The following FRYL variants were observed in gnomAD, a reference collection of about 807,000 sequenced individuals.
FRYL encodes the protein FRY like transcription coactivator.
In FRYL, 150 loss-of-function variants were observed where a neutral mutation model predicts 351.2. The observed-to-expected ratio is 0.43, with a 90% CI of 0.37 to 0.49. The LOEUF (loss-of-function observed/expected upper bound fraction) is 0.49. Among genes scored for constraint, FRYL ranks in the 20% least tolerant of loss-of-function variants. The pLI is 0.00. For missense variants in FRYL, 3,036 were observed against 3,619.3 expected, an observed-to-expected ratio of 0.84 and a Z score of 4.13; for synonymous variants, 1,153 against 1,257.1, an observed-to-expected ratio of 0.92 and a Z score of 1.75.
Position 48,510,167 on chromosome 4 carries a change from C to G in FRYL, c.8296-10G>C. Reference sequence around the variant, plus strand: ...AACCACATGACATCAGCTGTCAAATCAGAAGTATTGATCCAGGTTACCATT... The same window carrying G: ...AACCACATGACATCAGCTGTCAAATGAGAAGTATTGATCCAGGTTACCATT... On this transcript the variant is annotated splice_polypyrimidine_tract_variant and intron_variant, in intron 58 of 63. Coordinates refer to ENST00000358350, the MANE Select transcript of FRYL (RefSeq NM_015030.2). 6.3e-7 allele frequency: 1 copy of G among 1,596,752 alleles called. No individual in the cohort carries two copies. The highest frequency in any genetic ancestry group is 8.6e-7 in the Non-Finnish European group (1 of 1,164,316).
chr4:48,662,895 G>A (rs556493470), intron 3 of FRYL, among the ~76,000 whole-genome samples: 2 of 151,906 alleles, frequency 1.3e-5, no homozygotes, highest in East Asian at 1.9e-4. Context: ...AAATATAATA[G>A]GAAAGTAAAA....
intron 41 of FRYL, 102 bp from the exon 42 acceptor site, chr4:48,546,373 G>C (rs981451956): frequency 5.7e-6 from 5 of 882,914 alleles, no homozygotes; most frequent in Non-Finnish European, 7.2e-6. Context: ...GGACACATGA[G>C]GCAATCTGTC....
Position 48,550,711 on chromosome 4 carries a change from G to A in FRYL, c.4521-7C>T. 1 of 1,568,090 alleles carries A rather than the reference G, an allele frequency of 6.4e-7. No homozygotes were observed. ...AATGTCCAGGTGCACATAGCTATGG[G>A]AATGATCACTGAAGTTAGTCACAGT... On this transcript the variant is annotated splice_region_variant and splice_polypyrimidine_tract_variant and intron_variant, in intron 37 of 63. Coordinates refer to ENST00000358350, the MANE Select transcript of FRYL (RefSeq NM_015030.2).
rs188662906 is a variant in FRYL, at chr4:48,758,703, A to C, written c.-384+21375T>G. On this transcript the variant is annotated intron_variant, in intron 1 of 63. Transcript: ENST00000358350. ...CCTCAAGGATCTAGAACTAGAAATA[A>C]CATTTGACCCAGTCATCCCATTACT... 3.2e-3 allele frequency among the ~76,000 whole-genome samples: 491 copies of C among 152,262 alleles called. 6 individuals are homozygous for C. The highest frequency in any genetic ancestry group is 0.012 in the African/African-American group (481 of 41,534).
intron 6 of FRYL, among the ~76,000 whole-genome samples, 180 bp from the exon 7 acceptor site, chr4:48,619,550 G>GAA (rs1750236019): frequency 6.6e-6 from 1 of 152,122 alleles, no homozygotes; most frequent in Non-Finnish European, 1.5e-5. Flanking sequence ...GTCTCGTTCT[G>GAA]TCACCCAGGC....
chr4:48,521,979 C>G (rs369276046), intron 54 of FRYL, among the ~76,000 whole-genome samples: 4 of 152,054 alleles, frequency 2.6e-5, no homozygotes, highest in African/African-American at 9.7e-5. Flanking sequence ...GCAAATGGAT[C>G]TAAATTAAAG....
In FRYL at chr4:48,653,761, AAC is replaced by A. The variant is rs574909047; in HGVS notation, c.-80-19273_-80-19272del. On this transcript the variant is annotated intron_variant, in intron 3 of 63. Transcript: ENST00000358350. Reference sequence around the variant, plus strand: ...CAAGGACTTTATGCTAATTTCAAAAAACACAGAATCCTGTAGACTCAACATAG... The same window carrying A: ...CAAGGACTTTATGCTAATTTCAAAAAACAGAATCCTGTAGACTCAACATAG... The A allele has an allele frequency of 3.7e-3, 4,742 of 1,291,240 alleles. 10 individuals are homozygous for A. Among genetic ancestry groups the A allele is most frequent in the Non-Finnish European group, 4.5e-3 (4,477 of 988,942 alleles). The allele number at this position is 1,291,240 out of a possible 1,614,324, so 80.0% of individuals were successfully genotyped here.
intron 11 of FRYL, among the ~76,000 whole-genome samples, chr4:48,604,957 T>C (rs1746468901): frequency 6.6e-6 from 1 of 152,106 alleles, no homozygotes. Flanking sequence ...GAAGTACAAA[T>C]GATCATTTGG....
At chr4:48,539,530 C>T (rs1729653977) in intron 47 of FRYL, among the ~76,000 whole-genome samples, 1 of 152,110 alleles carries the variant, frequency 6.6e-6, no homozygotes. Context: ...CCCACCCTCC[C>T]CCTGCCCCGA....
In FRYL at chr4:48,549,749, A is replaced by G. The variant is rs762938107; in HGVS notation, c.4634-126T>C. On this transcript the variant is annotated intron_variant, in intron 38 of 63. Transcript: ENST00000358350. The surrounding 1 kb of genome is among the most constrained non-coding windows in gnomAD (Gnocchi z 4.2). The stretch of plus-strand genomic sequence containing the variant: ...ATAAAAAAAATTTCCCACTATTTCA[A>G]CATGTTTGCTAGGAAAATCTAGGCA... The G allele has an allele frequency of 2.2e-4, 155 of 711,606 alleles. No individual in the cohort carries two copies. The highest frequency in any genetic ancestry group is 3.2e-4 in the Non-Finnish European group (145 of 451,840). 44.1% of individuals were successfully genotyped at this position (711,606 alleles called of 1,614,324 possible). A position where few individuals can be genotyped will look rare whatever the true frequency, so the allele number is the denominator to read the frequency against.
chr4:48,541,026 T>C, intron 45 of FRYL, 66 bp from the exon 46 acceptor site: 20 of 1,402,104 alleles, frequency 1.4e-5, no homozygotes, highest in Non-Finnish European at 1.8e-5. Flanking sequence ...TAATTTTACT[T>C]CTGAAAACAC....
At chr4:48,581,042 C>G in intron 21 of FRYL, 91 bp from the exon 22 acceptor site, 1 of 657,088 alleles carries the variant, frequency 1.5e-6, no homozygotes, top group Non-Finnish European at 2.4e-6. Flanking sequence ...CACTTCAGCA[C>G]TATTTTTTTT....
chr4:48,609,880 T>C, intron 7 of FRYL, 57 bp from the exon 8 acceptor site: 1 of 808,692 alleles, frequency 1.2e-6, no homozygotes, highest in Non-Finnish European at 2.0e-6. Context: ...TTATGAGTAT[T>C]CTCATCAATT....
intron 2 of FRYL, among the ~76,000 whole-genome samples, chr4:48,700,942 A>T (rs1448588222): frequency 6.6e-6 from 1 of 152,088 alleles, no homozygotes; most frequent in Admixed American, 6.6e-5. Flanking sequence ...ATTTTTAAAA[A>T]AAACTTAAAA....
chr4:48,696,004 G>A (rs147767097), intron 2 of FRYL, among the ~76,000 whole-genome samples: 8 of 152,218 alleles, frequency 5.3e-5, no homozygotes, highest in Non-Finnish European at 1.0e-4. Context: ...TCACAATGGC[G>A]ATGATCAAAA....
intron 1 of FRYL, among the ~76,000 whole-genome samples, chr4:48,770,010 C>T (rs1381887248): frequency 6.6e-6 from 1 of 152,158 alleles, no homozygotes; most frequent in East Asian, 1.9e-4. Context: ...TTATACAAAT[C>T]TACCTGTACA....
In FRYL at chr4:48,564,076, A is replaced by T; in HGVS notation, c.3468T>A (p.Val1156=). 6.2e-7 allele frequency: 1 copy of T among 1,614,144 alleles called. No homozygotes were observed. Among genetic ancestry groups the T allele is most frequent in the Non-Finnish European group, 8.5e-7 (1 of 1,180,010 alleles). The change falls in exon 31 of 64, where the codon GTT becomes GTA. Residue 1156 remains valine (V), a synonymous_variant. Coordinates refer to ENST00000358350, the MANE Select transcript of FRYL (RefSeq NM_015030.2). Reference sequence around the variant, plus strand: ...CAGGGTTCAGCTCCAGTAACAACGTAACTGCTTCACAGCCCAGCTGGTGAA... The same window carrying T: ...CAGGGTTCAGCTCCAGTAACAACGTTACTGCTTCACAGCCCAGCTGGTGAA... The part of the protein sequence containing the change: ...KKVHQLGCEA[V]TLLLELNPDQ...
chr4:48,631,922 G>A (rs548348696), intron 4 of FRYL, among the ~76,000 whole-genome samples: 18 of 149,932 alleles, frequency 1.2e-4, no homozygotes, highest in African/African-American at 2.0e-4. Context: ...GTGTGGTGGC[G>A]CATGCCTGTA....
intron 1 of FRYL, among the ~76,000 whole-genome samples, chr4:48,756,259 T>C (rs1467417965): frequency 6.6e-6 from 1 of 151,358 alleles, no homozygotes; most frequent in Non-Finnish European, 1.5e-5. Flanking sequence ...GGTTCCCCCA[T>C]GTGTTTCCCA....
Sources: allele counts gnomAD v4.1 joint callset (sites outside exome capture counted in the v4.1 genomes callset), GRCh38; gene constraint gnomAD v4.1.1; non-coding constraint Gnocchi (gnomAD v3.1); transcripts MANE v1.5; gene names NCBI Gene and HGNC (gene_info 2026-07-23, HGNC 2026-07-21).